RORA: variants seen among roughly 807,000 people sequenced by gnomAD.
RORA encodes the protein nuclear receptor ROR-alpha.
RORA carries 7 observed loss-of-function variants against 69.5 expected under a neutral mutation model. That is an observed-to-expected ratio of 0.10 (90% CI 0.06 to 0.19). The LOEUF is 0.19. RORA is among the 10% of genes least tolerant of loss of function. The probability of loss-of-function intolerance (pLI) is 1.00; values close to 1 mark genes in which losing one functional copy is unlikely to be tolerated. For synonymous variants in RORA, 261 were observed against 240.8 expected (o/e 1.08, Z -0.78); for missense variants, 457 against 663.0 (o/e 0.69, Z 3.41).
intron 1 of RORA, among the ~76,000 whole-genome samples, chr15:60,721,558 G>C (rs2071293957): frequency 6.6e-6 from 1 of 152,204 alleles, no homozygotes; most frequent in Non-Finnish European, 1.5e-5. Flanking sequence ...AAGTGCCGTG[G>C]GGCAGGCAGA....
chr15:60,976,265 C>A (rs912453520), intron 1 of RORA, among the ~76,000 whole-genome samples: 1 of 152,208 alleles, frequency 6.6e-6, no homozygotes, highest in African/African-American at 2.4e-5. Flanking sequence ...GGACTCAATG[C>A]GTGTAACCCT....
rs138055347 is a variant in RORA at position 60,896,043 on chromosome 15, G to A, written c.167-217357C>T. Among the ~76,000 whole-genome samples the A allele has an allele frequency of 1.6e-4, 24 of 152,180 alleles. No homozygotes were observed. In the East Asian group the frequency reaches 3.9e-3, roughly 24 times the overall value. On this transcript the variant is annotated intron_variant, in intron 1 of 10. Coordinates refer to ENST00000335670, the MANE Select transcript of RORA (RefSeq NM_134261.3). Reference sequence around the variant, plus strand: ...TCTTATTCATTCTCTTATAATCATCGTGGGGGCCCATGCTGTATTTCTGGG... The same window carrying A: ...TCTTATTCATTCTCTTATAATCATCATGGGGGCCCATGCTGTATTTCTGGG...
intron 2 of RORA, among the ~76,000 whole-genome samples, chr15:60,573,903 G>T (rs939656089): frequency 6.6e-6 from 1 of 152,226 alleles, no homozygotes; most frequent in South Asian, 2.1e-4. Context: ...CTTGAAGGCA[G>T]GGACCACTTC....
intron 1 of RORA, among the ~76,000 whole-genome samples, chr15:60,790,678 C>T (rs551090851): frequency 6.6e-6 from 1 of 152,326 alleles, no homozygotes; most frequent in East Asian, 1.9e-4. Context: ...GAGCTGAAGA[C>T]CTTCTCCTAC....
intron 1 of RORA, among the ~76,000 whole-genome samples, chr15:60,829,583 A>G (rs1450412177): frequency 6.6e-6 from 1 of 152,098 alleles, no homozygotes; most frequent in Non-Finnish European, 1.5e-5. Context: ...TGTTCCTTAC[A>G]TGGTATAAGC....
At chr15:60,813,073 C>G (rs2072765730) in intron 1 of RORA, among the ~76,000 whole-genome samples, 1 of 152,104 alleles carries the variant, frequency 6.6e-6, no homozygotes, top group African/African-American at 2.4e-5. Flanking sequence ...CTTTCTCTAT[C>G]TTGTTTCTCT....
chr15:61,092,676 C>A (rs563179747), intron 1 of RORA, among the ~76,000 whole-genome samples: 4 of 152,342 alleles, frequency 2.6e-5, no homozygotes, highest in South Asian at 2.1e-4. Context: ...TACATCTCTA[C>A]AATCTGATGG....
At chr15:60,695,168 A>C (rs2070884286) in intron 1 of RORA, among the ~76,000 whole-genome samples, 1 of 152,004 alleles carries the variant, frequency 6.6e-6, no homozygotes. Flanking sequence ...TAGTGACCCA[A>C]ATTCCACTCT....
chr15:61,161,379 C>G lies in RORA; in HGVS notation c.166+67674G>C, dbSNP rs558699061. Among the ~76,000 whole-genome samples the G allele has an allele frequency of 7.2e-5, 11 of 152,228 alleles. No homozygotes were observed. In the South Asian group the frequency reaches 1.2e-3, roughly 17 times the overall value. On this transcript the variant is annotated intron_variant, in intron 1 of 10. Transcript: ENST00000335670. ...AATTTGCGTTTTGGATTTGAGAGACCTGGGTTCAAATGCTGGCTCTGCCAT... is the reference window on the plus strand; with the variant it reads ...AATTTGCGTTTTGGATTTGAGAGACGTGGGTTCAAATGCTGGCTCTGCCAT...
chr15:61,180,143 CAAAAAAA>C (rs71456351), intron 1 of RORA, among the ~76,000 whole-genome samples: 16 of 36,688 alleles, frequency 4.4e-4, no homozygotes, highest in East Asian at 1.0e-3. Context: ...GACTCCATCT[CAAAAAAA>C]AAAAAAAAAA....
intron 2 of RORA, among the ~76,000 whole-genome samples, chr15:60,663,578 C>A (rs117345973): frequency 6.6e-6 from 1 of 152,166 alleles, no homozygotes; most frequent in African/African-American, 2.4e-5. Context: ...GCCTCAGCCC[C>A]CCAAGTAGTT....
intron 1 of RORA, among the ~76,000 whole-genome samples, chr15:61,164,820 G>C (rs1398648046): frequency 6.6e-6 from 1 of 152,138 alleles, no homozygotes; most frequent in South Asian, 2.1e-4. Flanking sequence ...AGGTATGGAG[G>C]GATAACAGAA....
intron 1 of RORA, among the ~76,000 whole-genome samples, chr15:60,890,842 G>T (rs553251186): frequency 6.6e-6 from 1 of 152,308 alleles, no homozygotes; most frequent in African/African-American, 2.4e-5. Flanking sequence ...TCTATTTTAA[G>T]ATCACAAAAC....
At position 60,744,954 on chromosome 15, in the gene RORA, TG is replaced by T. The variant is rs564568486; in HGVS notation, c.167-66269del. 3.2e-4 allele frequency among the ~76,000 whole-genome samples: 48 copies of T among 152,332 alleles called. No individual in the cohort carries two copies. The East Asian group carries it at 7.1e-3, about 23-fold the overall frequency. ...TAAATGGAAATGCTGGAGGGCATGATGGGCCCAGGCCAGGATTCTCTTGAAT... is the reference window on the plus strand; with the variant it reads ...TAAATGGAAATGCTGGAGGGCATGATGGCCCAGGCCAGGATTCTCTTGAAT... On this transcript the variant is annotated intron_variant, in intron 1 of 10. Coordinates refer to ENST00000335670, the MANE Select transcript of RORA (RefSeq NM_134261.3).
chr15:60,629,447 C>A (rs993370521), intron 2 of RORA, among the ~76,000 whole-genome samples: 1 of 152,132 alleles, frequency 6.6e-6, no homozygotes, highest in Non-Finnish European at 1.5e-5. Flanking sequence ...AGTCTAAGCT[C>A]CTTGAGGGCA....
intron 1 of RORA, among the ~76,000 whole-genome samples, chr15:60,960,297 A>G (rs185806312): frequency 5.6e-4 from 85 of 152,334 alleles, no homozygotes; most frequent in Non-Finnish European, 1.1e-3. Flanking sequence ...CTCTCATGCA[A>G]TTCCTGTAGC....
intron 2 of RORA, among the ~76,000 whole-genome samples, chr15:60,622,529 C>T (rs576495335): frequency 6.6e-6 from 1 of 151,806 alleles, no homozygotes; most frequent in Admixed American, 6.6e-5. Context: ...GGAGAACCAC[C>T]TGAGCCTGGG....
chr15:60,633,380 A>G (rs1397768007), intron 2 of RORA, among the ~76,000 whole-genome samples: 3 of 152,232 alleles, frequency 2.0e-5, no homozygotes, highest in African/African-American at 4.8e-5. Context: ...ATTTTTCTCA[A>G]ACCACAAAGC....
chr15:60,590,372 A>G (rs186468646), intron 2 of RORA, among the ~76,000 whole-genome samples: 73 of 152,296 alleles, frequency 4.8e-4, no homozygotes, highest in Non-Finnish European at 7.6e-4. Context: ...ATGGAACTTC[A>G]CTTTGTAGAA....
Sources: gnomAD v4.1 joint callset for allele counts (sites outside exome capture counted in the v4.1 genomes callset) on GRCh38, gnomAD v4.1.1 for gene constraint, MANE v1.5 for transcripts, NCBI Gene and HGNC (gene_info 2026-07-23, HGNC 2026-07-21) for gene names.